Variants in THRB observed in about 807,000 individuals in gnomAD.
The protein encoded by THRB is thyroid hormone receptor beta, also known as nuclear receptor subfamily 1 group A member 2.
In THRB, 12 loss-of-function variants were observed where a neutral mutation model predicts 47.8. The observed-to-expected ratio is 0.25, with a 90% CI of 0.16 to 0.41. The LOEUF is 0.41. Ranked by LOEUF, THRB falls within the 10% of genes least tolerant of loss-of-function variation. The pLI, the probability that THRB is intolerant of heterozygous loss-of-function variation, is 1.00. For missense variants in THRB, 348 were observed against 589.2 expected (o/e 0.59, Z 4.24); for synonymous variants, 218 against 212.2 (o/e 1.03, Z -0.24).
chr3:24,313,490 T>C (rs989673172), intron 2 of THRB, among the ~76,000 whole-genome samples: 1 of 152,188 alleles, frequency 6.6e-6, no homozygotes, highest in Non-Finnish European at 1.5e-5. Flanking sequence ...CATATCTCAA[T>C]TGAACATTTT....
At chr3:24,313,773 T>C (rs530831754) in intron 2 of THRB, among the ~76,000 whole-genome samples, 3 of 151,870 alleles carry the variant, frequency 2.0e-5, no homozygotes, top group Non-Finnish European at 4.4e-5. Context: ...TCATTCACAG[T>C]TTGGTTCAAA....
chr3:24,321,057 C>G (rs182629895), intron 2 of THRB, among the ~76,000 whole-genome samples: 1 of 152,310 alleles, frequency 6.6e-6, no homozygotes, highest in Admixed American at 6.5e-5. Context: ...TTCTGGCAAA[C>G]AGAGCCAGGG....
intron 1 of THRB, among the ~76,000 whole-genome samples, chr3:24,465,351 A>G: frequency 6.6e-6 from 1 of 152,100 alleles, no homozygotes; most frequent in East Asian, 1.9e-4. Context: ...ACCCCATTAC[A>G]TTTGATTGGT....
intron 8 of THRB, among the ~76,000 whole-genome samples, chr3:24,138,063 C>G (rs1018011578): frequency 1.3e-5 from 2 of 151,944 alleles, no homozygotes; most frequent in Non-Finnish European, 2.9e-5. Flanking sequence ...TGAGGCTGGT[C>G]TTATGCAAAT....
intron 1 of THRB, among the ~76,000 whole-genome samples, chr3:24,394,170 T>C (rs1194796810): frequency 6.6e-6 from 1 of 152,156 alleles, no homozygotes; most frequent in Non-Finnish European, 1.5e-5. Context: ...CCTATTTTCC[T>C]TGCTTGTTTC....
intron 6 of THRB, among the ~76,000 whole-genome samples, chr3:24,150,797 G>A (rs959544349): frequency 6.6e-6 from 1 of 152,154 alleles, no homozygotes; most frequent in Non-Finnish European, 1.5e-5. Context: ...ATTATGCGCC[G>A]ATTTAGAAGA....
chr3:24,143,833 G>A (rs975326262), intron 7 of THRB, 127 bp from the exon 8 acceptor site: 2 of 885,952 alleles, frequency 2.3e-6, no homozygotes, highest in South Asian at 1.4e-5. Context: ...CTTCGGGGTG[G>A]GTCACACTGG....
At chr3:24,369,502 A>T (rs1478689770) in intron 1 of THRB, among the ~76,000 whole-genome samples, 2 of 152,184 alleles carry the variant, frequency 1.3e-5, no homozygotes, top group Non-Finnish European at 2.9e-5. Flanking sequence ...GAAAGAAAAC[A>T]TGAGTAGAAA....
chr3:24,162,691 A>G (rs4858581), intron 5 of THRB, among the ~76,000 whole-genome samples: 26,670 of 150,886 alleles, frequency 0.18, 2,559 homozygotes, highest in Non-Finnish European at 0.2. Context: ...GAATGCAAAA[A>G]AAAAAAAAAA....
chr3:24,297,606 T>G (rs562140247), intron 2 of THRB, among the ~76,000 whole-genome samples: 1 of 152,252 alleles, frequency 6.6e-6, no homozygotes, highest in Non-Finnish European at 1.5e-5. Flanking sequence ...AATGGTGGGA[T>G]GCTGGCGGCT....
intron 3 of THRB, among the ~76,000 whole-genome samples, chr3:24,243,468 T>C (rs577195381): frequency 2.4e-3 from 367 of 152,148 alleles, no homozygotes; most frequent in African/African-American, 8.6e-3. Flanking sequence ...AGAGGGCCTT[T>C]TGCGTCAGGA....
At chr3:24,379,768 A>G (rs1237876681) in intron 1 of THRB, among the ~76,000 whole-genome samples, 1 of 152,124 alleles carries the variant, frequency 6.6e-6, no homozygotes, top group Non-Finnish European at 1.5e-5. Flanking sequence ...CCTCACTACT[A>G]CAACTCAACA....
intron 4 of THRB, among the ~76,000 whole-genome samples, chr3:24,217,305 C>T (rs2046666227): frequency 6.6e-6 from 1 of 152,008 alleles, no homozygotes; most frequent in Non-Finnish European, 1.5e-5. Context: ...GTCTGTGACA[C>T]TTCCATGAAA....
chr3:24,186,969 C>T (rs1327793084), intron 5 of THRB, among the ~76,000 whole-genome samples: 2 of 116,618 alleles, frequency 1.7e-5, no homozygotes, highest in South Asian at 5.6e-4. Flanking sequence ...AAAAAAAAAG[C>T]AGTATTCAGA....
chr3:24,213,261 T>A (rs2017200), intron 4 of THRB, among the ~76,000 whole-genome samples: 81,678 of 151,648 alleles, frequency 0.54, 23,941 homozygotes, highest in African/African-American at 0.8. Flanking sequence ...GCATGTGGTG[T>A]TCAAAAGCCT....
At chr3:24,149,231 T>C (rs1484396891) in intron 6 of THRB, among the ~76,000 whole-genome samples, 1 of 152,040 alleles carries the variant, frequency 6.6e-6, no homozygotes, top group African/African-American at 2.4e-5. Flanking sequence ...AGGGGTAGGG[T>C]AGCACGCCTC....
chr3:24,311,544 C>T (rs2057759523), intron 2 of THRB, among the ~76,000 whole-genome samples: 1 of 152,154 alleles, frequency 6.6e-6, no homozygotes, highest in Non-Finnish European at 1.5e-5. Context: ...TGACATCTCC[C>T]TATCTTTCCC....
chr3:24,402,463 T>A (rs13065876), intron 1 of THRB, among the ~76,000 whole-genome samples: 71,171 of 149,408 alleles, frequency 0.48, 17,167 homozygotes, highest in Admixed American at 0.52. Context: ...TAATTTGGGA[T>A]GAGGTTTCAA....
At chr3:24,293,796 C>G (rs962965376) in intron 3 of THRB, among the ~76,000 whole-genome samples, 3 of 152,186 alleles carry the variant, frequency 2.0e-5, no homozygotes, top group Admixed American at 2.0e-4. Flanking sequence ...AAGCAGATGC[C>G]ATTGTGGCGG....
Sources: gnomAD v4.1 joint callset for allele counts (sites outside exome capture counted in the v4.1 genomes callset) on GRCh38, gnomAD v4.1.1 for gene constraint, MANE v1.5 for transcripts, NCBI Gene and HGNC (gene_info 2026-07-23, HGNC 2026-07-21) for gene names.